NAV1: variants seen among roughly 807,000 people sequenced by gnomAD.
The protein encoded by NAV1 is pore membrane and/or filament interacting like protein 3.
NAV1 carries 18 observed loss-of-function variants against 175.2 expected under a neutral mutation model. That is an observed-to-expected ratio of 0.10 (90% CI 0.07 to 0.15). The LOEUF (loss-of-function observed/expected upper bound fraction) is 0.15. NAV1 is among the 10% of genes least tolerant of loss of function. The pLI, the probability that NAV1 is intolerant of heterozygous loss-of-function variation, is 1.00. For synonymous variants in NAV1, 897 were observed against 978.7 expected, an observed-to-expected ratio of 0.92 and a Z score of 1.56; for missense variants, 1,731 against 2,436.6, an observed-to-expected ratio of 0.71 and a Z score of 6.10.
chr1:201,611,369 G>A (rs1667840944), intron 2 of NAV1, among the ~76,000 whole-genome samples: 1 of 152,158 alleles, frequency 6.6e-6, no homozygotes, highest in Non-Finnish European at 1.5e-5. Context: ...CTCCATTTCT[G>A]TCCTGAGAGG....
At chr1:201,662,793 A>C (rs550947149) in intron 1 of NAV1, among the ~76,000 whole-genome samples, 63 of 152,326 alleles carry the variant, frequency 4.1e-4, no homozygotes, top group African/African-American at 1.5e-3. Flanking sequence ...ACTAGTGCTC[A>C]CAATGGGCTT....
intron 1 of NAV1, among the ~76,000 whole-genome samples, chr1:201,655,256 C>T (rs1669354956): frequency 6.7e-6 from 1 of 150,138 alleles, no homozygotes; most frequent in South Asian, 2.1e-4. Context: ...AGCTCTCCTC[C>T]CCAAAGCCCA....
intron 1 of NAV1, among the ~76,000 whole-genome samples, chr1:201,583,425 A>G (rs1023323426): frequency 6.6e-6 from 1 of 152,086 alleles, no homozygotes; most frequent in African/African-American, 2.4e-5. Flanking sequence ...TTATCTGTAG[A>G]CTCTGCTAAG....
Position 201,782,591 on chromosome 1 carries a change from T to A in NAV1, c.2079T>A (p.Pro693=). The A allele has an allele frequency of 6.2e-7, 1 of 1,613,244 alleles. No homozygotes were observed. Among genetic ancestry groups the A allele is most frequent in the South Asian group, 1.1e-5 (1 of 91,056 alleles). The change falls in exon 6 of 30, where the codon CCT becomes CCA. Residue 693 remains proline, a synonymous_variant. Transcript: ENST00000367296. This position sits in a 1 kb window ranked among gnomAD's most constrained non-coding sequence, Gnocchi z 5.4. ...CCGGCGGGCGGGGTGGACCTCGCCCTGTGAGCAGCAGCATTGACCCCAGTC... is the reference window on the plus strand; with the variant it reads ...CCGGCGGGCGGGGTGGACCTCGCCCAGTGAGCAGCAGCATTGACCCCAGTC...
intron 1 of NAV1, among the ~76,000 whole-genome samples, chr1:201,541,548 C>T (rs923518150): frequency 1.3e-5 from 2 of 152,134 alleles, no homozygotes; most frequent in Non-Finnish European, 2.9e-5. Context: ...GTAAGAGGGG[C>T]GGATCACCTG....
chr1:201,650,982 G>T (rs988712079), intron 1 of NAV1, among the ~76,000 whole-genome samples: 1 of 152,208 alleles, frequency 6.6e-6, no homozygotes, highest in African/African-American at 2.4e-5. Flanking sequence ...TGGGGCAAGA[G>T]AGACAATAAG....
At chr1:201,632,443 C>T (rs1316192293) in intron 2 of NAV1, among the ~76,000 whole-genome samples, 5 of 152,230 alleles carry the variant, frequency 3.3e-5, no homozygotes, top group Non-Finnish European at 7.3e-5. Context: ...GCACTGGTCC[C>T]ATCTGCTGAC....
chr1:201,785,420 A>C (rs1676671489), intron 8 of NAV1, 69 bp downstream of exon 12: 6 of 1,491,216 alleles, frequency 4.0e-6, no homozygotes, highest in Admixed American at 1.9e-5. Context: ...ATCATATCTC[A>C]ACCTGTCCAA....
At chr1:201,814,517 T>C (rs951670033) in intron 28 of NAV1, among the ~76,000 whole-genome samples, 34 of 152,192 alleles carry the variant, frequency 2.2e-4, no homozygotes, top group Admixed American at 1.3e-4. Context: ...TAAACTGTGA[T>C]GTAATGGCTA....
chr1:201,576,178 C>T (rs1201541166), intron 1 of NAV1, among the ~76,000 whole-genome samples: 1 of 152,210 alleles, frequency 6.6e-6, no homozygotes, highest in Non-Finnish European at 1.5e-5. Context: ...TCCACCCTTT[C>T]TTTGACTCCT....
intron 1 of NAV1, among the ~76,000 whole-genome samples, chr1:201,564,967 C>T (rs1038273796): frequency 3.9e-5 from 6 of 152,174 alleles, no homozygotes; most frequent in Admixed American, 3.3e-4. Context: ...TTTAAGGACT[C>T]ATGTGATTAG....
Position 201,731,204 on chromosome 1 carries a change from G to A in NAV1, c.1226+12449G>A, listed in dbSNP as rs1324718210. ...GTAGAAAAACAGAGTCAGCACGTTC[G>A]TGATGTGCACACCAAGCAGTGGAAA... On this transcript the variant is annotated intron_variant, in intron 3 of 29. Transcript: ENST00000367296. 3.3e-5 allele frequency among the ~76,000 whole-genome samples: 5 copies of A among 151,998 alleles called. No individual in the cohort carries two copies. The South Asian group carries it at 6.2e-4, about 19-fold the overall frequency.
intron 1 of NAV1, among the ~76,000 whole-genome samples, chr1:201,564,153 G>A (rs1194056031): frequency 2.0e-5 from 3 of 151,360 alleles, no homozygotes; most frequent in Non-Finnish European, 4.4e-5. Context: ...AAGAAAGGAA[G>A]GAAGGAAGGC....
intron 1 of NAV1, among the ~76,000 whole-genome samples, chr1:201,681,572 G>A (rs1670463797): frequency 1.3e-5 from 2 of 152,206 alleles, no homozygotes; most frequent in African/African-American, 2.4e-5. Flanking sequence ...GCTCTCCCCC[G>A]AGTCAGCCTC....
At chr1:201,603,681 A>G (rs1667587451) in intron 2 of NAV1, among the ~76,000 whole-genome samples, 3 of 152,072 alleles carry the variant, frequency 2.0e-5, no homozygotes, top group Admixed American at 1.3e-4. Flanking sequence ...CCAGGCAGGG[A>G]GTTGGGATGG....
upstream of NAV1, among the ~76,000 whole-genome samples, chr1:201,620,453 C>CTTTTTTTTTTT (rs71861939): frequency 1.1e-4 from 10 of 94,530 alleles, 1 homozygote; most frequent in African/African-American, 4.6e-4. Flanking sequence ...GACATATACT[C>CTTTTTTTTTTT]TTTTTTTTTT....
At position 201,782,535 on chromosome 1, in the gene NAV1, C is replaced by T. The variant is rs746407829; in HGVS notation, c.2023C>T (p.Arg675Trp). 14 of 1,611,422 alleles carry T rather than the reference C, an allele frequency of 8.7e-6. No homozygotes were observed. The highest frequency in any genetic ancestry group is 2.2e-5 in the East Asian group (1 of 44,790). The stretch of plus-strand genomic sequence containing the variant: ...TAACATCCAGTACCGCAGCCTGCCC[C>T]GGCCAGCCAAGTCAAGTTCTATGAG... The change falls in exon 6 of 30, where the codon CGG becomes TGG. Residue 675 changes from arginine to tryptophan, a missense_variant. Arg to Trp is a moderately radical substitution (Grantham distance 101). Transcript: ENST00000367296. This position sits in a 1 kb window ranked among gnomAD's most constrained non-coding sequence, Gnocchi z 5.4.
chr1:201,664,071 G>A (rs557242277), intron 1 of NAV1, among the ~76,000 whole-genome samples: 25 of 152,274 alleles, frequency 1.6e-4, no homozygotes, highest in African/African-American at 5.5e-4. Context: ...GGGAAGATCC[G>A]GAGTATAGTG....
chr1:201,722,944 T>A (rs1182056992), intron 3 of NAV1, among the ~76,000 whole-genome samples: 1 of 152,214 alleles, frequency 6.6e-6, no homozygotes, highest in Non-Finnish European at 1.5e-5. Context: ...AAACCCCATC[T>A]CTACCAAAAC....
Sources: gnomAD v4.1 joint callset for allele counts (sites outside exome capture counted in the v4.1 genomes callset) on GRCh38, gnomAD v4.1.1 for gene constraint, Gnocchi (gnomAD v3.1) non-coding constraint, MANE v1.5 for transcripts, NCBI Gene and HGNC (gene_info 2026-07-23, HGNC 2026-07-21) for gene names.